The following NAPA variants were observed in gnomAD, a reference collection of about 807,000 sequenced individuals.
NAPA encodes the protein alpha-soluble NSF attachment protein.
NAPA carries 18 observed loss-of-function variants against 48.0 expected under a neutral mutation model. The ratio of observed to expected loss-of-function variants is 0.38; its 90% CI spans 0.26 to 0.56. NAPA has a LOEUF of 0.56. Ranked by LOEUF, NAPA falls within the 20% of genes least tolerant of loss-of-function variation. NAPA has a pLI of 0.77. For missense variants in NAPA, 315 were observed against 385.0 expected, an observed-to-expected ratio of 0.82 and a Z score of 1.52; for synonymous variants, 152 against 149.9, an observed-to-expected ratio of 1.01 and a Z score of -0.10.
chr19:47,505,415 C>G (rs753023366), intron 1 of NAPA: 3 of 152,330 alleles, frequency 2.0e-5, no homozygotes, highest in Admixed American at 1.3e-4. Flanking sequence ...AGCATTCCTT[C>G]CCTCTGCACT....
At chr19:47,490,947 G>T in intron 8 of NAPA, 91 bp from the exon 9 acceptor site, 2 of 1,126,160 alleles carry the variant, frequency 1.8e-6, no homozygotes, top group Non-Finnish European at 1.3e-6. Context: ...GGGATGTCGG[G>T]TGATATTGAG....
At position 47,492,360 on chromosome 19, in the gene NAPA, G is replaced by A. The variant is rs1968294024; in HGVS notation, c.562-241C>T. 10 of 522,190 alleles carry A rather than the reference G, an allele frequency of 1.9e-5. No individual in the cohort carries two copies. In the South Asian group the frequency reaches 2.0e-4, roughly 11 times the overall value. The allele number at this position is 522,190 out of a possible 1,614,324, so 32.3% of individuals were successfully genotyped here. On this transcript the variant is annotated intron_variant, in intron 7 of 10. Coordinates refer to ENST00000263354, the MANE Select transcript of NAPA (RefSeq NM_003827.4). ...GTGGGGGTGGAGGCTGTAGCCAGGT[G>A]TTCGTGGGCCTTCTGAGAGCCTGAG...
intron 10 of NAPA, 154 bp downstream of exon 10, chr19:47,489,557 G>GT: frequency 1.2e-6 from 1 of 835,182 alleles, no homozygotes; most frequent in Non-Finnish European, 1.9e-6. Flanking sequence ...GGCGCTACTT[G>GT]TAAGGTTTCT....
chr19:47,491,841 G>A (rs1968274352), intron 8 of NAPA, among the ~76,000 whole-genome samples, 174 bp downstream of exon 8: 1 of 152,226 alleles, frequency 6.6e-6, no homozygotes, highest in Non-Finnish European at 1.5e-5. Flanking sequence ...GGGTGGGCAG[G>A]TGATGCCAGC....
At chr19:47,490,916 C>A in intron 8 of NAPA, 60 bp from the exon 9 acceptor site, 1 of 1,486,664 alleles carries the variant, frequency 6.7e-7, no homozygotes, top group Non-Finnish European at 9.3e-7. Context: ...GAGCTACTGG[C>A]CTAGCAGCTG....
intron 1 of NAPA, chr19:47,505,666 A>T (rs190542024): frequency 6.6e-6 from 1 of 152,230 alleles, no homozygotes; most frequent in African/African-American, 2.4e-5. Flanking sequence ...CAGCGATCAG[A>T]TCAGCGGCCA....
At chr19:47,512,505 G>C (rs1202964668) in intron 1 of NAPA, among the ~76,000 whole-genome samples, 1 of 152,094 alleles carries the variant, frequency 6.6e-6, no homozygotes, top group Non-Finnish European at 1.5e-5. Context: ...TGACTTAGCT[G>C]CTCCCTCCAA....
intron 1 of NAPA, among the ~76,000 whole-genome samples, chr19:47,509,773 A>G (rs1968771222): frequency 6.6e-6 from 1 of 152,216 alleles, no homozygotes; most frequent in African/African-American, 2.4e-5. Context: ...ATGAGCTCAG[A>G]GCCAGGATCT....
At chr19:47,511,799 G>C (rs1161799235) in intron 1 of NAPA, among the ~76,000 whole-genome samples, 1 of 152,238 alleles carries the variant, frequency 6.6e-6, no homozygotes, top group Non-Finnish European at 1.5e-5. Flanking sequence ...GCCTGGCCCA[G>C]GCCAGGGTCT....
At chr19:47,513,377 C>T (rs1189692428) in intron 1 of NAPA, among the ~76,000 whole-genome samples, 1 of 152,224 alleles carries the variant, frequency 6.6e-6, no homozygotes, top group Non-Finnish European at 1.5e-5. Flanking sequence ...TTAACAACAG[C>T]TAACACTCTC....
At chr19:47,494,860 A>T (rs976007394) in intron 4 of NAPA, among the ~76,000 whole-genome samples, 3 of 151,988 alleles carry the variant, frequency 2.0e-5, no homozygotes, top group African/African-American at 7.2e-5. Context: ...GTCGTTGGCA[A>T]CGCGCCCTGG....
intron 7 of NAPA, 122 bp downstream of exon 7, chr19:47,492,839 G>A (rs765732171): frequency 4.5e-5 from 41 of 901,926 alleles, no homozygotes; most frequent in African/African-American, 1.6e-4. Context: ...AAGGGATGTC[G>A]GGGGAGAGGC....
intron 4 of NAPA, 33 bp downstream of exon 4, chr19:47,495,517 C>A: frequency 6.2e-7 from 1 of 1,611,484 alleles, no homozygotes. Flanking sequence ...GCAGTGGGAC[C>A]CGGGGGTGTC....
At position 47,492,628 on chromosome 19, in the gene NAPA, G is replaced by C; in HGVS notation, c.561+333C>G. On this transcript the variant is annotated intron_variant, in intron 7 of 10. Coordinates refer to ENST00000263354, the MANE Select transcript of NAPA (RefSeq NM_003827.4). ...TCGGGCCATGGGGTGGGGTGCCCAC[G>C]GCCACCCTGGGCCTCTTGGCACTTC... The C allele has an allele frequency of 1.7e-5, 8 of 457,836 alleles. 1 individual carries two copies. Among genetic ancestry groups the C allele is most frequent in the South Asian group, 1.6e-4 (8 of 50,850 alleles). The allele number at this position is 457,836 out of a possible 1,614,324, so 28.4% of individuals were successfully genotyped here.
At chr19:47,491,362 C>T (rs1359006874) in intron 8 of NAPA, 1 of 157,812 alleles carries the variant, frequency 6.3e-6, no homozygotes, top group African/African-American at 2.4e-5. Context: ...CAGGGCAGGG[C>T]TCTGTGGGGT....
chr19:47,510,684 G>A (rs913321133), intron 1 of NAPA, among the ~76,000 whole-genome samples: 4 of 152,174 alleles, frequency 2.6e-5, no homozygotes, highest in Admixed American at 2.0e-4. Context: ...GAACAGAGCC[G>A]CCATTCAGAA....
intron 9 of NAPA, among the ~76,000 whole-genome samples, chr19:47,490,056 TGGA>T (rs1269610728): frequency 1.4e-5 from 2 of 145,168 alleles, no homozygotes; most frequent in African/African-American, 5.2e-5. Context: ...TGGTGTGTGG[TGGA>T]GGTGTGTGTG....
chr19:47,488,082 G>A lies in NAPA; in HGVS notation c.*206C>T, dbSNP rs1599885825. The A allele has an allele frequency of 3.7e-6, 2 of 539,592 alleles. No homozygotes were observed. The highest frequency in any genetic ancestry group is 3.1e-5 in the Admixed American group (1 of 31,854). The allele number at this position is 539,592 out of a possible 1,614,324, so 33.4% of individuals were successfully genotyped here. On this transcript the variant is annotated 3_prime_UTR_variant, in exon 11 of 11. Transcript: ENST00000263354. ...GCTTAAATAAATGGACAGGGGGCAA[G>A]GGATGTAGCGAGAACAGAGGGTGAC... is the stretch of plus-strand genomic sequence containing the variant.
At chr19:47,492,613 G>A in intron 7 of NAPA, 1 of 446,260 alleles carries the variant, frequency 2.2e-6, no homozygotes, top group Admixed American at 3.2e-5. Context: ...TCGGGCCATG[G>A]GGTGGGGTGC....
Sources: allele counts gnomAD v4.1 joint callset (sites outside exome capture counted in the v4.1 genomes callset), GRCh38; gene constraint gnomAD v4.1.1; transcripts MANE v1.5; gene names NCBI Gene and HGNC (gene_info 2026-07-23, HGNC 2026-07-21).